The following CRMP1 variants were observed in gnomAD, a reference collection of about 807,000 sequenced individuals.
CRMP1 encodes the protein collapsin response mediator protein 1, also known as dihydropyrimidinase-related protein 1.
Under a neutral mutation model 68.3 loss-of-function variants are expected in CRMP1, and 19 were observed. That is an observed-to-expected ratio of 0.28 (90% confidence interval 0.19 to 0.41). The LOEUF (loss-of-function observed/expected upper bound fraction) is 0.41, where lower values mean the gene tolerates loss of function less well. Among genes scored for constraint, CRMP1 ranks in the 10% least tolerant of loss-of-function variants. CRMP1 has a pLI of 1.00. For missense variants in CRMP1, 791 were observed against 967.4 expected (o/e 0.82, Z 2.42); for synonymous variants, 439 against 399.6 (o/e 1.10, Z -1.18).
chr4:5,883,655 G>GACAC lies in CRMP1; in HGVS notation c.381+8930_381+8933dup, dbSNP rs148593249. ...AGATGGCAAGATAATTAAGGTCAGG[G>GACAC]ACACACACACACACACACACACACA... On this transcript the variant is annotated intron_variant, in intron 1 of 13. Coordinates refer to ENST00000324989, the MANE Select transcript of CRMP1 (RefSeq NM_001014809.3). This position sits in a 1 kb window ranked among gnomAD's most constrained non-coding sequence, Gnocchi z 4.5. Among the ~76,000 whole-genome samples, 481 of 149,656 alleles carry GACAC rather than the reference G, an allele frequency of 3.2e-3. 4 individuals are homozygous for GACAC. Among genetic ancestry groups the GACAC allele is most frequent in the Middle Eastern group, 0.01 (3 of 286 alleles).
intron 11 of CRMP1, among the ~76,000 whole-genome samples, chr4:5,833,703 G>C (rs1223130872): frequency 6.6e-6 from 1 of 152,178 alleles, no homozygotes; most frequent in East Asian, 1.9e-4. Flanking sequence ...GATAATCAGA[G>C]TGCCCACTCC....
chr4:5,882,217 T>A (rs1715266217), intron 1 of CRMP1, among the ~76,000 whole-genome samples: 1 of 152,252 alleles, frequency 6.6e-6, no homozygotes, highest in Admixed American at 6.5e-5. Flanking sequence ...TATCAGCAGA[T>A]GTGAAATATG....
rs1434383394 is a variant in CRMP1, at chr4:5,861,863, T to C, written c.471-653A>G. Among the ~76,000 whole-genome samples the C allele has an allele frequency of 1.3e-5, 2 of 152,194 alleles. No homozygotes were observed. Among genetic ancestry groups the C allele is most frequent in the East Asian group, 1.9e-4 (1 of 5,196 alleles). ...GATTTTTATTCTAAAAAAAATCCAATTGTTGTGAACGCTTGAGATTGGGCA... is the reference window on the plus strand; with the variant it reads ...GATTTTTATTCTAAAAAAAATCCAACTGTTGTGAACGCTTGAGATTGGGCA... On this transcript the variant is annotated intron_variant, in intron 2 of 13. Transcript: ENST00000324989. This position sits in a 1 kb window ranked among gnomAD's most constrained non-coding sequence, Gnocchi z 6.0.
chr4:5,866,573 G>T lies in CRMP1; in HGVS notation c.470+95C>A. ...CCCTGAAACACAGGTACACAGCCCCGTCATTCTAGGACAGAATGCCAGCCT... is the reference window on the plus strand; with the variant it reads ...CCCTGAAACACAGGTACACAGCCCCTTCATTCTAGGACAGAATGCCAGCCT... On this transcript the variant is annotated intron_variant, in intron 2 of 13. Coordinates refer to ENST00000324989, the MANE Select transcript of CRMP1 (RefSeq NM_001014809.3). The surrounding 1 kb of genome is among the most constrained non-coding windows in gnomAD (Gnocchi z 5.9). The T allele has an allele frequency of 1.2e-6, 1 of 863,540 alleles. No individual in the cohort carries two copies. The highest frequency in any genetic ancestry group is 1.8e-6 in the Non-Finnish European group (1 of 541,562). The allele number at this position is 863,540 out of a possible 1,614,324, so 53.5% of individuals were successfully genotyped here.
chr4:5,841,127 A>G lies in CRMP1; in HGVS notation c.1153+181T>C, dbSNP rs1394929668. 6.6e-6 allele frequency among the ~76,000 whole-genome samples: 1 copy of G among 152,180 alleles called. No homozygotes were observed. Among genetic ancestry groups the G allele is most frequent in the Non-Finnish European group, 1.5e-5 (1 of 68,030 alleles). ...AATGGAGCTGAGCTTATCGAGGTGA[A>G]TATCCTAAGGTCATTGGGACCAAAG... is the stretch of plus-strand genomic sequence containing the variant. On this transcript the variant is annotated intron_variant, in intron 8 of 13. Coordinates refer to ENST00000324989, the MANE Select transcript of CRMP1 (RefSeq NM_001014809.3). This position sits in a 1 kb window ranked among gnomAD's most constrained non-coding sequence, Gnocchi z 6.9.
chr4:5,851,798 G>A (rs1712647819), intron 4 of CRMP1, among the ~76,000 whole-genome samples: 1 of 149,552 alleles, frequency 6.7e-6, no homozygotes, highest in African/African-American at 2.5e-5. Context: ...AGGAGGAAGA[G>A]GAAGAGGAGG....
rs1166235469 is a variant in CRMP1, at chr4:5,853,367, G to A, written c.821-1898C>T. Reference sequence around the variant, plus strand: ...GGCAGTGAGCTGAGATCTCGCCATTGCACTCCAGCCTGGGTGACAGAGTAA... The same window carrying A: ...GGCAGTGAGCTGAGATCTCGCCATTACACTCCAGCCTGGGTGACAGAGTAA... On this transcript the variant is annotated intron_variant, in intron 4 of 13. Coordinates refer to ENST00000324989, the MANE Select transcript of CRMP1 (RefSeq NM_001014809.3). This position sits in a 1 kb window ranked among gnomAD's most constrained non-coding sequence, Gnocchi z 4.7. Among the ~76,000 whole-genome samples, 1 of 152,190 alleles carries A rather than the reference G, an allele frequency of 6.6e-6. No individual in the cohort carries two copies. The highest frequency in any genetic ancestry group is 1.5e-5 in the Non-Finnish European group (1 of 68,034).
intron 9 of CRMP1, 70 bp from the exon 10 acceptor site, chr4:5,836,976 G>A (rs1016421343): frequency 6.6e-7 from 1 of 1,509,170 alleles, no homozygotes; most frequent in Non-Finnish European, 8.9e-7. Context: ...ACTTCAGACA[G>A]GTACATGCAG....
intron 1 of CRMP1, among the ~76,000 whole-genome samples, chr4:5,868,546 CT>C (rs1714212240): frequency 1.3e-5 from 2 of 152,014 alleles, no homozygotes; most frequent in Admixed American, 1.3e-4. Context: ...CATGATCTGC[CT>C]GCCTTGGCCT....
Position 5,825,968 on chromosome 4 carries a change from T to TC in CRMP1, c.1804-310_1804-309insG. ...CACACATATATGCATGCACATGCAG[T>TC]AACAAAACAGGCCTACACAGTAGCA... is the stretch of plus-strand genomic sequence containing the variant. On this transcript the variant is annotated intron_variant, in intron 12 of 13. Coordinates refer to ENST00000324989, the MANE Select transcript of CRMP1 (RefSeq NM_001014809.3). The surrounding 1 kb of genome is among the most constrained non-coding windows in gnomAD (Gnocchi z 4.4). 8 of 423,132 alleles carry TC rather than the reference T, an allele frequency of 1.9e-5. No individual in the cohort carries two copies. The highest frequency in any genetic ancestry group is 2.5e-5 in the Non-Finnish European group (6 of 236,826). 26.2% of individuals were successfully genotyped at this position (423,132 alleles called of 1,614,324 possible). A position where few individuals can be genotyped will look rare whatever the true frequency, so the allele number is the denominator to read the frequency against.
chr4:5,887,498 C>A, intron 1 of CRMP1: 22 of 985,002 alleles, frequency 2.2e-5, no homozygotes, highest in Non-Finnish European at 2.7e-5. Flanking sequence ...CAGCTCCCCA[C>A]CCCGAGACAA....
chr4:5,835,310 C>T (rs1382383806), intron 11 of CRMP1, among the ~76,000 whole-genome samples: 1 of 152,246 alleles, frequency 6.6e-6, no homozygotes, highest in Non-Finnish European at 1.5e-5. Context: ...AAAGCAAGCC[C>T]TTCAGGGAGG....
rs112922056 is a variant in CRMP1 at position 5,825,690 on chromosome 4, C to T, written c.1804-31G>A. The T allele has an allele frequency of 2.9e-5, 47 of 1,607,232 alleles. No homozygotes were observed. The highest frequency in any genetic ancestry group is 1.6e-4 in the South Asian group (14 of 90,100). On this transcript the variant is annotated intron_variant, in intron 12 of 13. Coordinates refer to ENST00000324989, the MANE Select transcript of CRMP1 (RefSeq NM_001014809.3). The surrounding 1 kb of genome is among the most constrained non-coding windows in gnomAD (Gnocchi z 4.4). ...CAGAGGAAGGGAGAGTGTGATTGAT[C>T]GACACTGTGCATGTGTGCCCTTCTG...
chr4:5,824,442 T>C, intron 13 of CRMP1: 2 of 985,376 alleles, frequency 2.0e-6, no homozygotes, highest in South Asian at 9.4e-5. Flanking sequence ...CCTGAATGGA[T>C]AAGAGGTTCT....
chr4:5,874,097 C>T (rs1421329771), intron 1 of CRMP1, among the ~76,000 whole-genome samples: 2 of 152,178 alleles, frequency 1.3e-5, no homozygotes. Context: ...AAGGCCTTAA[C>T]AATGTTCATG....
chr4:5,857,102 CCACCACCACCACAATCATCACCAT>C (rs1309411781), intron 3 of CRMP1, among the ~76,000 whole-genome samples: 3 of 97,736 alleles, frequency 3.1e-5, no homozygotes, highest in Admixed American at 9.2e-5. Context: ...ACTAACATCA[CCACCACCACCACAATCATCACCAT>C]CACCACCACC....
chr4:5,826,566 C>T (rs1719660383), intron 12 of CRMP1: 1 of 152,206 alleles, frequency 6.6e-6, no homozygotes, highest in African/African-American at 2.4e-5. Context: ...AGCAGCAGGG[C>T]TTCCAGGCAG....
Position 5,838,483 on chromosome 4 carries a change from C to T in CRMP1, c.1310+1039G>A, listed in dbSNP as rs1383181. On this transcript the variant is annotated intron_variant, in intron 9 of 13. Transcript: ENST00000324989. This position sits in a 1 kb window ranked among gnomAD's most constrained non-coding sequence, Gnocchi z 4.9. The stretch of plus-strand genomic sequence containing the variant: ...CCGTGTGGAAATAGAAAGTCTTGGT[C>T]GGAAGCCAGGGATGATGGTGGCCTG... 1.3e-5 allele frequency among the ~76,000 whole-genome samples: 2 copies of T among 151,802 alleles called. No individual in the cohort carries two copies. Among genetic ancestry groups the T allele is most frequent in the Admixed American group, 6.6e-5 (1 of 15,260 alleles).
At position 5,821,880 on chromosome 4, in the gene CRMP1, T is replaced by G; in HGVS notation, c.1970-29A>C. On this transcript the variant is annotated intron_variant, in intron 13 of 13. Transcript: ENST00000324989. The surrounding 1 kb of genome is among the most constrained non-coding windows in gnomAD (Gnocchi z 4.4). ...AAAGAGAGCGCCAATCGCTGCTGGA[T>G]GGGATCTGTTAGCATCAGTTCCACG... 2 of 1,527,820 alleles carry G rather than the reference T, an allele frequency of 1.3e-6. No homozygotes were observed. Among genetic ancestry groups the G allele is most frequent in the Non-Finnish European group, 1.8e-6 (2 of 1,140,822 alleles). The allele number at this position is 1,527,820 out of a possible 1,614,324, so 94.6% of individuals were successfully genotyped here.
Sources: allele counts gnomAD v4.1 joint callset (sites outside exome capture counted in the v4.1 genomes callset), GRCh38; gene constraint gnomAD v4.1.1; non-coding constraint Gnocchi (gnomAD v3.1); transcripts MANE v1.5; gene names NCBI Gene and HGNC (gene_info 2026-07-23, HGNC 2026-07-21).